EDA: variants seen among roughly 807,000 people sequenced by gnomAD.
The protein encoded by EDA is ectodysplasin A, also known as ectodysplasin-A.
In EDA, 2 loss-of-function variants were observed where a neutral mutation model predicts 23.6. The ratio of observed to expected loss-of-function variants is 0.08; its 90% CI spans 0.03 to 0.27. EDA has a LOEUF of 0.27. EDA is among the 10% of genes least tolerant of loss of function. The probability of loss-of-function intolerance (pLI) is 1.00; values close to 1 mark genes in which losing one functional copy is unlikely to be tolerated. For missense variants in EDA, 229 were observed against 324.2 expected (o/e 0.71, Z 2.26); for synonymous variants, 131 against 132.0 (o/e 0.99, Z 0.05).
intron 1 of EDA, among the ~76,000 whole-genome samples, chrX:69,850,474 C>T (rs971009441): frequency 8.9e-6 from 1 of 112,130 alleles, no homozygotes. Flanking sequence ...TTAATCCAAT[C>T]AGGAACCTAG....
intron 1 of EDA, among the ~76,000 whole-genome samples, chrX:69,671,673 C>G (rs1933899933): frequency 9.0e-6 from 1 of 111,639 alleles, no homozygotes; most frequent in Non-Finnish European, 1.9e-5. Context: ...GTTTCTTTCC[C>G]TTCCCTAAGC....
At chrX:69,783,352 A>G (rs2015018671) in intron 1 of EDA, among the ~76,000 whole-genome samples, 1 of 109,841 alleles carries the variant, frequency 9.1e-6, no homozygotes, top group South Asian at 4.0e-4. Context: ...TTAGTTACAT[A>G]TGTATACATG....
intron 1 of EDA, among the ~76,000 whole-genome samples, chrX:69,931,035 A>C (rs778042840): frequency 2.4e-3 from 263 of 111,490 alleles, no homozygotes; most frequent in African/African-American, 8.1e-3. Flanking sequence ...TTTATGTGGA[A>C]AGTCTGAGTA....
intron 1 of EDA, among the ~76,000 whole-genome samples, chrX:69,702,395 G>C (rs1260142127): frequency 9.0e-6 from 1 of 110,653 alleles, no homozygotes; most frequent in Non-Finnish European, 1.9e-5. Context: ...TGGGGGAGGA[G>C]AATGGGTACA....
chrX:70,000,543 T>C (rs1404155441), intron 2 of EDA, among the ~76,000 whole-genome samples: 3 of 112,449 alleles, frequency 2.7e-5, no homozygotes, highest in Non-Finnish European at 3.8e-5. Flanking sequence ...GGGATAATTA[T>C]TGTGAACACC....
chrX:69,654,970 CAAAA>C lies in EDA; in HGVS notation c.396+38271_396+38274del, dbSNP rs555938760. On this transcript the variant is annotated intron_variant, in intron 1 of 7. Transcript: ENST00000374552. ...AATAACAATACAATTAAAAAAAAAA[CAAAA>C]AAAAGAACAAAGTCCATCCTTGATT... 1.3e-3 allele frequency among the ~76,000 whole-genome samples: 139 copies of C among 107,386 alleles called. 1 individual carries two copies. Among genetic ancestry groups the C allele is most frequent in the Admixed American group, 0.013 (127 of 10,084 alleles). The allele number at this position is 107,386 out of a possible 115,157, so 93.3% of individuals were successfully genotyped here.
intron 1 of EDA, among the ~76,000 whole-genome samples, chrX:69,742,641 C>G (rs953926636): frequency 2.7e-5 from 3 of 111,593 alleles, no homozygotes; most frequent in African/African-American, 9.8e-5. Context: ...AAGTCATTCC[C>G]CATATTGTTT....
chrX:69,762,098 T>C (rs2014326116), intron 1 of EDA, among the ~76,000 whole-genome samples: 1 of 111,877 alleles, frequency 8.9e-6, no homozygotes, highest in African/African-American at 3.2e-5. Flanking sequence ...GGTATCAGTA[T>C]ATATATTTAA....
chrX:69,672,323 C>T (rs1283972663), intron 1 of EDA, among the ~76,000 whole-genome samples: 1 of 111,965 alleles, frequency 8.9e-6, no homozygotes, highest in African/African-American at 3.2e-5. Flanking sequence ...ATCCATTTAT[C>T]ACATTTGAGT....
At chrX:69,689,647 T>C (rs1226539848) in intron 1 of EDA, among the ~76,000 whole-genome samples, 1 of 90,806 alleles carries the variant, frequency 1.1e-5, no homozygotes, top group Non-Finnish European at 2.6e-5. Context: ...ACTTTGTTCT[T>C]CTTTATCAAG....
In EDA at chrX:70,035,655, G is replaced by A. The variant is rs1263514458; in HGVS notation, c.*46G>A. 1 of 1,195,815 alleles carries A rather than the reference G, an allele frequency of 8.4e-7. No homozygotes were observed. Among genetic ancestry groups the A allele is most frequent in the South Asian group, 1.8e-5 (1 of 56,349 alleles). ...GTCCGTGCCCCTTCCCTGGGTTTGG[G>A]AGCCAGGACTCCCAGAACCTCTAAG... On this transcript the variant is annotated 3_prime_UTR_variant, in exon 8 of 8. Transcript: ENST00000374552.
chrX:69,764,038 T>A (rs2014390513), intron 1 of EDA, among the ~76,000 whole-genome samples: 1 of 108,376 alleles, frequency 9.2e-6, no homozygotes, highest in Admixed American at 1.0e-4. Flanking sequence ...CCAGGAAGGG[T>A]GAGGTGGGCA....
Position 70,013,422 on chromosome X carries a change from T to C in EDA, c.503-9796T>C, listed in dbSNP as rs543787172. On this transcript the variant is annotated intron_variant, in intron 2 of 7. Transcript: ENST00000374552. ...CCCAACCCTGACTGAGCATTCCCGC[T>C]GGTAGTGGCTGTGTTCCCCTGAGGT... Among the ~76,000 whole-genome samples, 15 of 111,459 alleles carry C rather than the reference T, an allele frequency of 1.3e-4. No homozygotes were observed. In the South Asian group the frequency reaches 5.4e-3, roughly 40 times the overall value.
intron 1 of EDA, chrX:69,670,188 T>G (rs1023162233): frequency 1.2e-5 from 4 of 326,764 alleles, no homozygotes; most frequent in Non-Finnish European, 2.1e-5. Context: ...TGACTGTTTT[T>G]TTTTTTTTTT....
At chrX:69,645,941 C>T (rs1480867080) in intron 1 of EDA, among the ~76,000 whole-genome samples, 1 of 110,577 alleles carries the variant, frequency 9.0e-6, no homozygotes, top group East Asian at 2.9e-4. Flanking sequence ...CTTAATTTCA[C>T]TATTTACTCA....
intron 1 of EDA, among the ~76,000 whole-genome samples, chrX:69,790,186 C>A (rs1185549387): frequency 9.1e-6 from 1 of 110,232 alleles, no homozygotes; most frequent in Non-Finnish European, 1.9e-5. Flanking sequence ...ATGAGAAGAC[C>A]CCTTAAAGTC....
chrX:69,987,491 G>C (rs1198687513), intron 2 of EDA, among the ~76,000 whole-genome samples: 1 of 108,869 alleles, frequency 9.2e-6, no homozygotes, highest in Non-Finnish European at 1.9e-5. Context: ...AAGAACAAGT[G>C]GTCAGCTCCC....
At chrX:69,668,302 A>G (rs1343859552) in intron 1 of EDA, among the ~76,000 whole-genome samples, 1 of 111,550 alleles carries the variant, frequency 9.0e-6, no homozygotes, top group Non-Finnish European at 1.9e-5. Flanking sequence ...TAGTTTTTTT[A>G]TAATTATGGT....
intron 1 of EDA, among the ~76,000 whole-genome samples, chrX:69,713,537 G>A (rs1017984837): frequency 1.8e-5 from 2 of 111,375 alleles, no homozygotes; most frequent in Non-Finnish European, 3.8e-5. Flanking sequence ...TTTACCCCAT[G>A]TCTAACCCCT....
Sources: gnomAD v4.1 joint callset for allele counts (sites outside exome capture counted in the v4.1 genomes callset) on GRCh38, gnomAD v4.1.1 for gene constraint, MANE v1.5 for transcripts, NCBI Gene and HGNC (gene_info 2026-07-23, HGNC 2026-07-21) for gene names.